The following THADA variants were observed in gnomAD, a reference collection of about 807,000 sequenced individuals.
THADA encodes THADA armadillo repeat containing, also known as tRNA (32-2'-O)-methyltransferase regulator THADA.
Under a neutral mutation model 219.8 loss-of-function variants are expected in THADA, and 213 were observed. The observed-to-expected ratio is 0.97, with a 90% confidence interval of 0.87 to 1.09. The LOEUF (loss-of-function observed/expected upper bound fraction) is 1.09, where lower values mean the gene tolerates loss of function less well. Among genes scored for constraint, THADA ranks in the 50% least tolerant of loss-of-function variants. The pLI, the probability that THADA is intolerant of heterozygous loss-of-function variation, is 0.00. For synonymous variants in THADA, 1,018 were observed against 828.9 expected (o/e 1.23, Z -3.92); for missense variants, 2,956 against 2,311.3 (o/e 1.28, Z -5.72).
rs770596548 is a variant in THADA, at chr2:43,592,338, G to A, written c.55C>T (p.Gln19Ter). ...CTACATTTCAAAGTTTCAAGGTCCTGATGGCAAATGGTCAGCGCAGCAACT... is the reference window on the plus strand; with the variant it reads ...CTACATTTCAAAGTTTCAAGGTCCTAATGGCAAATGGTCAGCGCAGCAACT... ...MQVAALTICH[Q>*]DLETLKSFAD... is the part of the protein sequence containing the mutation. Residue 19 changes from glutamine to a stop codon, truncating the protein, a stop_gained, in exon 2 of 38, where the codon CAG (glutamine) becomes TAG (stop). Coordinates refer to ENST00000405975, the MANE Select transcript of THADA (RefSeq NM_022065.5). LOFTEE classifies it high-confidence loss of function. 9 of 1,607,872 alleles carry A rather than the reference G, an allele frequency of 5.6e-6. No homozygotes were observed. Among genetic ancestry groups the A allele is most frequent in the Non-Finnish European group, 7.6e-6 (9 of 1,177,184 alleles).
chr2:43,524,299 A>C (rs1692877636), intron 22 of THADA, among the ~76,000 whole-genome samples: 1 of 152,240 alleles, frequency 6.6e-6, no homozygotes, highest in Non-Finnish European at 1.5e-5. Context: ...TTATTCTTAG[A>C]TGATTGTTTA....
rs1686799206 is a variant in THADA, at chr2:43,485,434, G to C, written c.3745-109C>G. ...AAATCATTACCTAACTGGCTAGTGT[G>C]AGGCTAAAAAGACAGATTTGTGTTC... On this transcript the variant is annotated intron_variant, in intron 25 of 37. Transcript: ENST00000405975. The C allele has an allele frequency of 4.0e-6, 3 of 754,528 alleles. No individual in the cohort carries two copies. The Admixed American group carries it at 7.5e-5, about 19-fold the overall frequency. 46.7% of individuals were successfully genotyped at this position (754,528 alleles called of 1,614,324 possible).
chr2:43,588,003 G>A (rs1161205971), intron 4 of THADA, among the ~76,000 whole-genome samples: 2 of 152,142 alleles, frequency 1.3e-5, no homozygotes, highest in Non-Finnish European at 2.9e-5. Flanking sequence ...AGAATAAGAA[G>A]AGTCACTAGA....
rs551089474 is a variant in THADA, at chr2:43,234,388, A to G, written c.5297-1506T>C. On this transcript the variant is annotated intron_variant, in intron 36 of 37. Coordinates refer to ENST00000405975, the MANE Select transcript of THADA (RefSeq NM_022065.5). ...TCTCACCATCTTGAGAGCTCCAGAT[A>G]AGTCCCCCAGGACACTTGCCCTTTA... Among the ~76,000 whole-genome samples the G allele has an allele frequency of 1.0e-3, 154 of 152,244 alleles. 1 individual carries two copies. The highest frequency in any genetic ancestry group is 3.5e-3 in the African/African-American group (147 of 41,538).
chr2:43,530,385 T>A (rs76000447), intron 21 of THADA, among the ~76,000 whole-genome samples: 1 of 152,134 alleles, frequency 6.6e-6, no homozygotes, highest in Admixed American at 6.6e-5. Context: ...ACCCCTAAAA[T>A]AGGGCTGAAG....
intron 23 of THADA, among the ~76,000 whole-genome samples, chr2:43,507,051 G>A (rs1352918456): frequency 6.6e-6 from 1 of 152,054 alleles, no homozygotes; most frequent in Non-Finnish European, 1.5e-5. Flanking sequence ...AAACTAAGTA[G>A]ACAGTTCTTT....
chr2:43,414,238 A>G (rs974890698), intron 28 of THADA, among the ~76,000 whole-genome samples: 4 of 152,250 alleles, frequency 2.6e-5, no homozygotes, highest in African/African-American at 9.6e-5. Context: ...GTGGTAAAAC[A>G]CACATAACCT....
chr2:43,306,792 T>C (rs1347279447), intron 31 of THADA, among the ~76,000 whole-genome samples: 1 of 152,222 alleles, frequency 6.6e-6, no homozygotes, highest in African/African-American at 2.4e-5. Context: ...AGGTAATCAA[T>C]GGAAATGAGC....
chr2:43,414,975 C>T (rs1233063845), intron 28 of THADA, among the ~76,000 whole-genome samples: 5 of 152,308 alleles, frequency 3.3e-5, no homozygotes, highest in African/African-American at 1.2e-4. Flanking sequence ...CGATGCCATG[C>T]TTCACTGAAA....
chr2:43,399,054 A>G (rs1674452884), intron 28 of THADA, among the ~76,000 whole-genome samples: 2 of 152,204 alleles, frequency 1.3e-5, no homozygotes, highest in African/African-American at 4.8e-5. Flanking sequence ...TCAGAAACTT[A>G]AAGGCCATAA....
chr2:43,573,311 G>A (rs1337648216), intron 11 of THADA, among the ~76,000 whole-genome samples: 1 of 152,142 alleles, frequency 6.6e-6, no homozygotes, highest in Non-Finnish European at 1.5e-5. Flanking sequence ...ATAAAATCAG[G>A]TGGAGAAATA....
At position 43,428,294 on chromosome 2, in the gene THADA, A is replaced by G. The variant is rs942684335; in HGVS notation, c.3927-63T>C. On this transcript the variant is annotated intron_variant, in intron 27 of 37. Transcript: ENST00000405975. ...TTAGGTAGTGAAGCACTCCTCCTTC[A>G]AACATTTTTCTCATGAAATAATTAT... The G allele has an allele frequency of 4.8e-6, 7 of 1,468,682 alleles. No homozygotes were observed. In the African/African-American group the frequency reaches 9.9e-5, roughly 21 times the overall value. 91.0% of individuals were successfully genotyped at this position (1,468,682 alleles called of 1,614,324 possible).
At chr2:43,515,130 T>C (rs1158940525) in intron 22 of THADA, among the ~76,000 whole-genome samples, 1 of 11,002 alleles carries the variant, frequency 9.1e-5, no homozygotes, top group African/African-American at 4.6e-4. Flanking sequence ...ATATATTTTA[T>C]ATATAATATA....
chr2:43,282,641 G>T (rs577450622), intron 35 of THADA, among the ~76,000 whole-genome samples: 1 of 152,164 alleles, frequency 6.6e-6, no homozygotes, highest in Non-Finnish European at 1.5e-5. Context: ...GCAGGAGAGG[G>T]CAGGGTTGGG....
chr2:43,437,132 G>C (rs982007279), intron 26 of THADA, among the ~76,000 whole-genome samples: 1 of 152,152 alleles, frequency 6.6e-6, no homozygotes, highest in Non-Finnish European at 1.5e-5. Context: ...AAATTTATCA[G>C]CTGATTTTAA....
At chr2:43,243,269 C>T (rs6727631) in intron 36 of THADA, among the ~76,000 whole-genome samples, 37,184 of 152,098 alleles carry the variant, frequency 0.24, 5,328 homozygotes, top group African/African-American at 0.4. Context: ...AGAGGGCACA[C>T]TGCTCCTAGG....
At chr2:43,254,784 C>G (rs1312798232) in intron 36 of THADA, among the ~76,000 whole-genome samples, 1 of 152,136 alleles carries the variant, frequency 6.6e-6, no homozygotes, top group Non-Finnish European at 1.5e-5. Flanking sequence ...GAACCTGGAT[C>G]CAAGGTTCCT....
chr2:43,430,185 A>AT, intron 27 of THADA, 28 bp downstream of exon 27: 1 of 1,237,586 alleles, frequency 8.1e-7, no homozygotes. Context: ...CCTTGAGGTC[A>AT]TTTTGCCCCA....
intron 30 of THADA, among the ~76,000 whole-genome samples, chr2:43,329,438 G>A (rs781346700): frequency 6.6e-6 from 1 of 152,140 alleles, no homozygotes; most frequent in South Asian, 2.1e-4. Context: ...CAATAGGACC[G>A]TGGTCATGTG....
Sources: allele counts gnomAD v4.1 joint callset (sites outside exome capture counted in the v4.1 genomes callset), GRCh38; gene constraint gnomAD v4.1.1; transcripts MANE v1.5; gene names NCBI Gene and HGNC (gene_info 2026-07-23, HGNC 2026-07-21).